The following PRKN variants were observed in gnomAD, a reference collection of about 807,000 sequenced individuals.
PRKN encodes E3 ubiquitin-protein ligase parkin.
PRKN carries 56 observed loss-of-function variants against 59.5 expected under a neutral mutation model. The observed-to-expected ratio is 0.94, with a 90% CI of 0.76 to 1.18. The LOEUF (loss-of-function observed/expected upper bound fraction) is 1.18, where lower values mean the gene tolerates loss of function less well. Among genes scored for constraint, PRKN ranks in the 50% most tolerant of loss-of-function variants. The pLI is 0.00. For synonymous variants in PRKN, 250 were observed against 222.1 expected (o/e 1.13, Z -1.12); for missense variants, 657 against 596.4 (o/e 1.10, Z -1.06).
In PRKN at chr6:161,466,351, G is replaced by T. The variant is rs7774498; in HGVS notation, c.1084-79474C>A. ...AATTTTCTTCACTTAGGTTTTTTTT[G>T]ATCTCAGCTCTCTGATGGGTTAAAA... is the stretch of plus-strand genomic sequence containing the variant. On this transcript the variant is annotated intron_variant, in intron 9 of 11. Transcript: ENST00000366898. This position sits in a 1 kb window ranked among gnomAD's most constrained non-coding sequence, Gnocchi z 5.0. Among the ~76,000 whole-genome samples, 8,558 of 151,866 alleles carry T rather than the reference G, an allele frequency of 0.056. 260 individuals are homozygous for T. The highest frequency in any genetic ancestry group is 0.078 in the African/African-American group (3,239 of 41,418).
intron 9 of PRKN, among the ~76,000 whole-genome samples, chr6:161,465,112 C>T (rs1478333010): frequency 2.6e-5 from 4 of 152,214 alleles, no homozygotes; most frequent in East Asian, 1.9e-4. Context: ...GCGACAGAGA[C>T]AGCAGTCTAG....
At chr6:161,771,368 AAAAT>A (rs1462242309) in intron 7 of PRKN, among the ~76,000 whole-genome samples, 17 of 54,616 alleles carry the variant, frequency 3.1e-4, no homozygotes, top group East Asian at 1.3e-3. Flanking sequence ...AAAAAAAAAA[AAAAT>A]AAAATAAAAT....
chr6:162,490,931 C>G (rs570686782), intron 1 of PRKN, among the ~76,000 whole-genome samples: 3 of 151,880 alleles, frequency 2.0e-5, no homozygotes, highest in Admixed American at 1.3e-4. Context: ...GCCAGAAGCT[C>G]GAGGCCACCC....
At chr6:162,276,690 GGTGTGTGTGTGTGTGTCTGTGTGT>G (rs1780649996) in intron 2 of PRKN, among the ~76,000 whole-genome samples, 1 of 150,400 alleles carries the variant, frequency 6.6e-6, no homozygotes, top group Admixed American at 6.6e-5. Context: ...AACAGAAGCT[GGTGTGTGTGTGTGTGTCTGTGTGT>G]GTGTGTGTGT....
At position 161,454,779 on chromosome 6, in the gene PRKN, G is replaced by A. The variant is rs185605172; in HGVS notation, c.1084-67902C>T. 6.6e-6 allele frequency among the ~76,000 whole-genome samples: 1 copy of A among 152,238 alleles called. No individual in the cohort carries two copies. The highest frequency in any genetic ancestry group is 1.9e-4 in the East Asian group (1 of 5,164). On this transcript the variant is annotated intron_variant, in intron 9 of 11. Coordinates refer to ENST00000366898, the MANE Select transcript of PRKN (RefSeq NM_004562.3). This position sits in a 1 kb window ranked among gnomAD's most constrained non-coding sequence, Gnocchi z 4.6. Reference sequence around the variant, plus strand: ...TTGCACTTAACTTGGATTCCTGAGTGACTTTCTCTGGTCCATAACTTCATC... The same window carrying A: ...TTGCACTTAACTTGGATTCCTGAGTAACTTTCTCTGGTCCATAACTTCATC...
intron 1 of PRKN, among the ~76,000 whole-genome samples, chr6:162,703,129 A>G (rs893602501): frequency 3.3e-5 from 5 of 152,192 alleles, no homozygotes; most frequent in African/African-American, 9.6e-5. Flanking sequence ...TAGAGTGGCA[A>G]CAAAAAAAAC....
rs967959940 is a variant in PRKN, at chr6:161,538,461, G to A, written c.1083+10393C>T. ...CTGTATGGTAGGCTTGGATAGCTCT[G>A]CCAGGTGTACCTCCTAAGGACCTCC... On this transcript the variant is annotated intron_variant, in intron 9 of 11. Transcript: ENST00000366898. The surrounding 1 kb of genome is among the most constrained non-coding windows in gnomAD (Gnocchi z 4.2). Among the ~76,000 whole-genome samples, 3 of 152,130 alleles carry A rather than the reference G, an allele frequency of 2.0e-5. No individual in the cohort carries two copies. Among genetic ancestry groups the A allele is most frequent in the African/African-American group, 7.2e-5 (3 of 41,430 alleles).
intron 2 of PRKN, among the ~76,000 whole-genome samples, chr6:162,342,356 G>A (rs140909408): frequency 7.3e-4 from 111 of 151,906 alleles, no homozygotes; most frequent in African/African-American, 2.6e-3. Context: ...ACAAAACAAC[G>A]TTGGTGTTTA....
intron 2 of PRKN, among the ~76,000 whole-genome samples, chr6:162,325,389 T>C (rs1229311909): frequency 6.6e-6 from 1 of 152,194 alleles, no homozygotes; most frequent in African/African-American, 2.4e-5. Flanking sequence ...TGTACCATTT[T>C]TCAACTCATC....
chr6:162,458,867 A>G (rs1230900309), intron 1 of PRKN, among the ~76,000 whole-genome samples: 1 of 152,126 alleles, frequency 6.6e-6, no homozygotes, highest in Non-Finnish European at 1.5e-5. Flanking sequence ...CTAAGGCTGG[A>G]GTATAGTTGC....
chr6:162,712,822 A>G (rs1483216371), intron 1 of PRKN, among the ~76,000 whole-genome samples: 1 of 152,224 alleles, frequency 6.6e-6, no homozygotes, highest in Non-Finnish European at 1.5e-5. Context: ...AGAGAAAACT[A>G]TTAACATATG....
At chr6:162,444,027 C>T (rs1302825361) in intron 1 of PRKN, among the ~76,000 whole-genome samples, 8 of 152,066 alleles carry the variant, frequency 5.3e-5, no homozygotes, top group African/African-American at 1.7e-4. Context: ...CAATTATTTG[C>T]CCTCTTTTTG....
chr6:162,109,212 G>A (rs111724988), intron 4 of PRKN, among the ~76,000 whole-genome samples: 1 of 152,176 alleles, frequency 6.6e-6, no homozygotes, highest in Non-Finnish European at 1.5e-5. Flanking sequence ...CCCTATTTTA[G>A]CTAGTCCTCA....
intron 6 of PRKN, among the ~76,000 whole-genome samples, chr6:161,943,216 C>A (rs1432788118): frequency 6.6e-6 from 1 of 152,224 alleles, no homozygotes; most frequent in Non-Finnish European, 1.5e-5. Flanking sequence ...CTCCTCCCAA[C>A]ATCTTGCCTT....
At chr6:162,039,386 C>T (rs1377661913) in intron 5 of PRKN, among the ~76,000 whole-genome samples, 4 of 151,990 alleles carry the variant, frequency 2.6e-5, no homozygotes, top group Non-Finnish European at 5.9e-5. Context: ...TCTGGTGGGA[C>T]GTGTTTGGAT....
In PRKN at chr6:162,701,139, C is replaced by T. The variant is rs189603693; in HGVS notation, c.7+26523G>A. The stretch of plus-strand genomic sequence containing the variant: ...AGGACTAATGTCTATTCAGATATAC[C>T]AGTCAAAGTCAAATTTATGAAATGT... On this transcript the variant is annotated intron_variant, in intron 1 of 11. Transcript: ENST00000366898. 5.4e-3 allele frequency among the ~76,000 whole-genome samples: 825 copies of T among 152,168 alleles called. 5 individuals carry two copies. The highest frequency in any genetic ancestry group is 9.0e-3 in the Non-Finnish European group (610 of 68,000).
At chr6:162,473,925 T>C (rs530740243) in intron 1 of PRKN, among the ~76,000 whole-genome samples, 1 of 152,346 alleles carries the variant, frequency 6.6e-6, no homozygotes, top group African/African-American at 2.4e-5. Flanking sequence ...GGTTAGCCTT[T>C]CTTTTACAAT....
intron 1 of PRKN, among the ~76,000 whole-genome samples, chr6:162,513,907 A>T (rs9456783): frequency 0.38 from 58,390 of 151,774 alleles, 11,586 homozygotes; most frequent in South Asian, 0.57. Flanking sequence ...TACAAAAAAT[A>T]TGGTGATGCG....
At chr6:162,556,342 G>GGTGTGTGTGTGTGTGT (rs202002846) in intron 1 of PRKN, among the ~76,000 whole-genome samples, 23 of 57,292 alleles carry the variant, frequency 4.0e-4, no homozygotes, top group East Asian at 3.7e-3. Context: ...CTACTCAGCT[G>GGTGTGTGTGTGTGTGT]GTGTGTGTGT....
Sources: gnomAD v4.1 joint callset for allele counts (sites outside exome capture counted in the v4.1 genomes callset) on GRCh38, gnomAD v4.1.1 for gene constraint, Gnocchi (gnomAD v3.1) non-coding constraint, MANE v1.5 for transcripts, NCBI Gene and HGNC (gene_info 2026-07-23, HGNC 2026-07-21) for gene names.